The following LOC128071547 variants were observed in gnomAD, a reference collection of about 807,000 sequenced individuals.
chr12:120,534,818 C>G, the LOC128071547 span: 13 of 1,582,824 alleles, frequency 8.2e-6, no homozygotes, highest in African/African-American at 1.3e-5. Context: ...GTTGATGCCG[C>G]TGAGCTCCCC....
the LOC128071547 span, chr12:120,534,882 C>A: frequency 1.2e-6 from 2 of 1,608,586 alleles, no homozygotes; most frequent in East Asian, 4.5e-5. Context: ...TCCAACAGCT[C>A]CTCCGCCTCT....
the LOC128071547 span, chr12:120,534,879 G>A: frequency 1.9e-6 from 3 of 1,608,286 alleles, no homozygotes; most frequent in African/African-American, 2.7e-5. Flanking sequence ...GGCTCCAACA[G>A]CTCCTCCGCC....
the LOC128071547 span, chr12:120,534,770 C>G: frequency 6.6e-7 from 1 of 1,526,566 alleles, no homozygotes; most frequent in Non-Finnish European, 8.7e-7. Context: ...CCCCGCCGCG[C>G]CCGCTCCGCT....
At chr12:120,534,747 C>T in the LOC128071547 span, 1 of 1,493,098 alleles carries the variant, frequency 6.7e-7, no homozygotes, top group Non-Finnish European at 8.8e-7. Flanking sequence ...CCCTGAACGC[C>T]ATGAGCCTGG....
chr12:120,534,786 T>TGCCGTCGCC, the LOC128071547 span: 1 of 1,545,088 alleles, frequency 6.5e-7, no homozygotes, highest in Non-Finnish European at 8.7e-7. Flanking sequence ...CCGCTCCGAC[T>TGCCGTCGCC]GCCGTCGCCG....
chr12:120,534,880 C>T, the LOC128071547 span: 2 of 1,608,384 alleles, frequency 1.2e-6, no homozygotes, highest in African/African-American at 2.7e-5. Context: ...GCTCCAACAG[C>T]TCCTCCGCCT....
the LOC128071547 span, chr12:120,534,866 A>G: frequency 6.2e-7 from 1 of 1,608,200 alleles, no homozygotes; most frequent in Non-Finnish European, 8.5e-7. Context: ...GGACAAGAAC[A>G]GCGGCTCCAA....
At chr12:120,534,744 C>A in the LOC128071547 span, 6 of 1,465,764 alleles carry the variant, frequency 4.1e-6, no homozygotes, top group African/African-American at 9.0e-5. Context: ...CGGCCCTGAA[C>A]GCCATGAGCC....
the LOC128071547 span, chr12:120,534,753 C>A: frequency 2.8e-4 from 427 of 1,512,212 alleles, no homozygotes; most frequent in Non-Finnish European, 3.6e-4. Flanking sequence ...ACGCCATGAG[C>A]CTGGGTCCCC....
the LOC128071547 span, chr12:120,534,915 A>C: frequency 6.2e-7 from 1 of 1,606,480 alleles, no homozygotes; most frequent in African/African-American, 1.3e-5. Flanking sequence ...AAAGGGCAAC[A>C]GCCGCCCCGC....
the LOC128071547 span, chr12:120,534,912 A>T: frequency 3.1e-6 from 5 of 1,607,108 alleles, no homozygotes; most frequent in Non-Finnish European, 4.2e-6. Context: ...AGCAAAGGGC[A>T]ACAGCCGCCC....
chr12:120,534,923 C>T, the LOC128071547 span: 5 of 1,605,620 alleles, frequency 3.1e-6, no homozygotes, highest in Non-Finnish European at 4.2e-6. Context: ...ACAGCCGCCC[C>T]GCTCCGCCTC....
the LOC128071547 span, chr12:120,534,825 C>T: frequency 1.3e-6 from 2 of 1,590,008 alleles, no homozygotes; most frequent in Non-Finnish European, 1.7e-6. Context: ...CCGCTGAGCT[C>T]CCCCAACGCC....
chr12:120,534,938 G>A, the LOC128071547 span: 2 of 1,602,540 alleles, frequency 1.2e-6, no homozygotes, highest in South Asian at 1.1e-5. Context: ...CGCCTCGGCG[G>A]GGCCAGCCGG....
chr12:120,534,831 A>G, the LOC128071547 span: 26 of 1,591,608 alleles, frequency 1.6e-5, no homozygotes, highest in Admixed American at 8.7e-5. Flanking sequence ...AGCTCCCCCA[A>G]CGCCGCCGCC....
the LOC128071547 span, chr12:120,534,881 T>A: frequency 6.2e-7 from 1 of 1,608,048 alleles, no homozygotes; most frequent in South Asian, 1.1e-5. Flanking sequence ...CTCCAACAGC[T>A]CCTCCGCCTC....
At chr12:120,534,831 A>ACGCCGC in the LOC128071547 span, 2 of 1,591,732 alleles carry the variant, frequency 1.3e-6, no homozygotes, top group Non-Finnish European at 1.7e-6. Flanking sequence ...AGCTCCCCCA[A>ACGCCGC]CGCCGCCGCC....
chr12:120,534,767 G>A, the LOC128071547 span: 1 of 1,521,146 alleles, frequency 6.6e-7, no homozygotes, highest in Non-Finnish European at 8.8e-7. Context: ...GGTCCCCGCC[G>A]CGCCCGCTCC....
the LOC128071547 span, chr12:120,534,843 C>T: frequency 6.2e-7 from 1 of 1,603,910 alleles, no homozygotes. Context: ...GCCGCCGCCA[C>T]CGCCTCCGAC....
Sources: allele counts gnomAD v4.1 joint callset, GRCh38; gene constraint gnomAD v4.1.1; transcripts MANE v1.5.